TMEM265: variants seen among roughly 807,000 people sequenced by gnomAD.
The protein encoded by TMEM265 is transmembrane protein 265.
In TMEM265, 8 loss-of-function variants were observed where a neutral mutation model predicts 9.5. The ratio of observed to expected loss-of-function variants is 0.84; its 90% confidence interval spans 0.49 to 1.52. TMEM265 has a LOEUF of 1.52. Ranked by LOEUF, TMEM265 falls within the 40% of genes most tolerant of loss-of-function variation. The pLI is 0.00. For missense variants in TMEM265, 152 were observed against 146.2 expected (o/e 1.04, Z -0.21); for synonymous variants, 53 against 56.9 (o/e 0.93, Z 0.31).
intron 2 of TMEM265, 89 bp downstream of exon 2, chr16:30,741,997 T>A (rs1162368456): frequency 1.5e-6 from 2 of 1,303,132 alleles, no homozygotes; most frequent in Admixed American, 2.2e-5. Context: ...AGTCACTGAA[T>A]ACCTATCAGT....
In TMEM265 at chr16:30,745,174, G is replaced by T. The variant is rs2053249320; in HGVS notation, c.*1231G>T. The T allele has an allele frequency of 6.6e-6, 1 of 152,200 alleles. No individual in the cohort carries two copies. 9.4% of individuals were successfully genotyped at this position (152,200 alleles called of 1,614,324 possible). A position where few individuals can be genotyped will look rare whatever the true frequency, so the allele number is the denominator to read the frequency against. On this transcript the variant is annotated 3_prime_UTR_variant, in exon 3 of 3. Transcript: ENST00000615541. The stretch of plus-strand genomic sequence containing the variant: ...CATGTATTCTTTTCATGTTAACATT[G>T]TGAGATTCGTCAATATTTGGAATAG...
chr16:30,744,876 C>G lies in TMEM265; in HGVS notation c.*933C>G, dbSNP rs1289563839. ...TAAAATGGATTTTCATATCTTTTAT[C>G]TTGGACCTCATAATATTTCAAATTT... On this transcript the variant is annotated 3_prime_UTR_variant, in exon 3 of 3. Transcript: ENST00000615541. 6.6e-6 allele frequency: 1 copy of G among 152,152 alleles called. No individual in the cohort carries two copies. The highest frequency in any genetic ancestry group is 1.5e-5 in the Non-Finnish European group (1 of 68,030). The allele number at this position is 152,152 out of a possible 1,614,324, so 9.4% of individuals were successfully genotyped here. A position where few individuals can be genotyped will look rare whatever the true frequency, so the allele number is the denominator to read the frequency against.
Position 30,744,177 on chromosome 16 carries a change from C to G in TMEM265, c.*234C>G, listed in dbSNP as rs1474114177. 2 of 441,808 alleles carry G rather than the reference C, an allele frequency of 4.5e-6. No individual in the cohort carries two copies. The highest frequency in any genetic ancestry group is 7.7e-5 in the Admixed American group (2 of 25,858). The allele number at this position is 441,808 out of a possible 1,614,324, so 27.4% of individuals were successfully genotyped here. Reference sequence around the variant, plus strand: ...TCAGGGCCCCCCACCCCCATCTCCCCTACCCTAGCCCACCCTAGGGCCTCT... The same window carrying G: ...TCAGGGCCCCCCACCCCCATCTCCCGTACCCTAGCCCACCCTAGGGCCTCT... On this transcript the variant is annotated 3_prime_UTR_variant, in exon 3 of 3. Transcript: ENST00000615541.
intron 2 of TMEM265, 29 bp downstream of exon 2, chr16:30,741,937 G>A: frequency 6.5e-7 from 1 of 1,530,134 alleles, no homozygotes; most frequent in East Asian, 2.4e-5. Context: ...ATGGGAATGG[G>A]GGTGGGTATA....
At chr16:30,741,967 C>T in intron 2 of TMEM265, 59 bp downstream of exon 2, 1 of 1,482,716 alleles carries the variant, frequency 6.7e-7, no homozygotes, top group South Asian at 1.2e-5. Context: ...TTTCATGTAT[C>T]TGATCTATCT....
chr16:30,742,601 G>A (rs1477120821), intron 2 of TMEM265, among the ~76,000 whole-genome samples: 1 of 152,178 alleles, frequency 6.6e-6, no homozygotes, highest in Non-Finnish European at 1.5e-5. Context: ...GGGTTTTTGA[G>A]AGGGCTTCAC....
Position 30,741,943 on chromosome 16 carries a change from G to A in TMEM265, c.165+35G>A, listed in dbSNP as rs1296949674. ...GCAATTCCCATGGGAATGGGGGTGG[G>A]TATAAGGCAATGGTTTCATGTATCT... is the stretch of plus-strand genomic sequence containing the variant. On this transcript the variant is annotated intron_variant, in intron 2 of 2. Coordinates refer to ENST00000615541, the MANE Select transcript of TMEM265 (RefSeq NM_001256829.2). 8 of 1,524,328 alleles carry A rather than the reference G, an allele frequency of 5.2e-6. No individual in the cohort carries two copies. The South Asian group carries it at 9.6e-5, about 18-fold the overall frequency. 94.4% of individuals were successfully genotyped at this position (1,524,328 alleles called of 1,614,324 possible).
chr16:30,742,619 A>G (rs2053232551), intron 2 of TMEM265, among the ~76,000 whole-genome samples: 1 of 152,196 alleles, frequency 6.6e-6, no homozygotes, highest in Non-Finnish European at 1.5e-5. Context: ...CACCATTTCA[A>G]AAAGCCTATT....
In TMEM265 at chr16:30,743,834, C is replaced by A. The variant is rs1219894852; in HGVS notation, c.218C>A (p.Ala73Asp). 1.3e-6 allele frequency: 2 copies of A among 1,533,480 alleles called. No individual in the cohort carries two copies. The highest frequency in any genetic ancestry group is 1.7e-6 in the Non-Finnish European group (2 of 1,146,610). The allele number at this position is 1,533,480 out of a possible 1,614,324, so 95.0% of individuals were successfully genotyped here. The change falls in exon 3 of 3, where the codon GCC becomes GAC. Residue 73 changes from alanine (A) to aspartate (D), a missense_variant. Physicochemically the swap from Ala to Asp is moderately radical, Grantham distance 126. Coordinates refer to ENST00000615541, the MANE Select transcript of TMEM265 (RefSeq NM_001256829.2). ...GRSEEAVRWGARARKLILASF... is the reference protein window; with the variant it reads ...GRSEEAVRWGDRARKLILASF... ...TCCGAGGAGGCAGTGCGCTGGGGGG[C>A]CCGGGCCCGGAAACTCATCCTGGCC...
At position 30,741,802 on chromosome 16, in the gene TMEM265, C is replaced by T. The variant is rs1251394703; in HGVS notation, c.59C>T (p.Pro20Leu). Residue 20 changes from proline (P) to leucine (L), a missense_variant, in exon 2 of 3, where the codon CCA (proline) becomes CTA (leucine). Physicochemically the swap from Pro to Leu is moderately conservative, Grantham distance 98. Coordinates refer to ENST00000615541, the MANE Select transcript of TMEM265 (RefSeq NM_001256829.2). ...GGCAACACGGAAGCTGCTCATCCTC[C>T]ATCCCCCATCCGCTGCTGCTGGCTC... is the stretch of plus-strand genomic sequence containing the variant. Reference protein sequence around the residue: ...ILGNTEAAHPPSPIRCCWLRL... With the variant: ...ILGNTEAAHPLSPIRCCWLRL... 5 of 1,533,870 alleles carry T rather than the reference C, an allele frequency of 3.3e-6. No individual in the cohort carries two copies. The Admixed American group carries it at 5.9e-5, about 18-fold the overall frequency.
At chr16:30,741,718 A>G (rs2053227122) in intron 1 of TMEM265, 23 bp from the exon 2 acceptor site, 5 of 1,526,406 alleles carry the variant, frequency 3.3e-6, no homozygotes, top group African/African-American at 1.4e-5. Flanking sequence ...TGGGCTCACA[A>G]GTACCTTGAC....
chr16:30,743,632 A>G (rs2053238203), intron 2 of TMEM265, 150 bp from the exon 3 acceptor site: 3 of 1,005,148 alleles, frequency 3.0e-6, no homozygotes, highest in Admixed American at 5.8e-5. Flanking sequence ...TATTTTGCAG[A>G]TGAGAGGTTA....
Position 30,743,842 on chromosome 16 carries a change from CG to C in TMEM265, c.228del (p.Lys77AsnfsTer54). The C allele has an allele frequency of 6.5e-7, 1 of 1,533,808 alleles. No individual in the cohort carries two copies. The highest frequency in any genetic ancestry group is 8.7e-7 in the Non-Finnish European group (1 of 1,146,676). On this transcript the variant is annotated frameshift_variant, in exon 3 of 3. Transcript: ENST00000615541. LOFTEE classifies it high-confidence loss of function. ...GGCAGTGCGCTGGGGGGCCCGGGCC[CG>C]GAAACTCATCCTGGCCAGCTTTGCT... ...EEAVRWGARA[R>X]KLILASFAVW...
rs981096115 is a variant in TMEM265 at position 30,743,914 on chromosome 16, C to T, written c.298C>T (p.Leu100Phe). The change falls in exon 3 of 3, where the codon CTC becomes TTC. Residue 100 changes from leucine (L) to phenylalanine (F), a missense_variant. Leu to Phe is a conservative substitution (Grantham distance 22, BLOSUM62 0). Coordinates refer to ENST00000615541, the MANE Select transcript of TMEM265 (RefSeq NM_001256829.2). ...LILGPLLLWL[L>F]SYAIAQAE ...TCTGGGTCCCCTGCTGCTGTGGTTG[C>T]TCTCCTACGCCATCGCTCAGGCTGA... is the stretch of plus-strand genomic sequence containing the variant. 3 of 1,533,896 alleles carry T rather than the reference C, an allele frequency of 2.0e-6. No homozygotes were observed. Among genetic ancestry groups the T allele is most frequent in the Middle Eastern group, 2.3e-4 (1 of 4,356 alleles).
intron 2 of TMEM265, 52 bp downstream of exon 2, chr16:30,741,960 C>T (rs1596672650): frequency 6.7e-7 from 1 of 1,501,420 alleles, no homozygotes; most frequent in Non-Finnish European, 8.9e-7. Flanking sequence ...GCAATGGTTT[C>T]ATGTATCTGA....
Position 30,743,862 on chromosome 16 carries a change from C to G in TMEM265, c.246C>G (p.Ser82Arg), listed in dbSNP as rs1194037650. The G allele has an allele frequency of 4.6e-6, 7 of 1,533,856 alleles. No individual in the cohort carries two copies. In the African/African-American group the frequency reaches 5.5e-5, roughly 12 times the overall value. Residue 82 changes from serine (S) to arginine (R), a missense_variant, in exon 3 of 3, where the codon AGC becomes AGG. Ser to Arg is a moderately radical substitution (Grantham distance 110, BLOSUM62 -1). Coordinates refer to ENST00000615541, the MANE Select transcript of TMEM265 (RefSeq NM_001256829.2). ...GGGCCCGGAAACTCATCCTGGCCAG[C>G]TTTGCTGTCTGGCTTGCTGTCCTCA... is the stretch of plus-strand genomic sequence containing the variant. ...GARARKLILA[S>R]FAVWLAVLIL...
At position 30,741,757 on chromosome 16, in the gene TMEM265, A is replaced by G. The variant is rs538068061; in HGVS notation, c.14A>G (p.Glu5Gly). ...CGCCCACAGGTGATGGAGGACGAGG[A>G]GAAGGCAGTGGAGATCTTGGGCAAC... MEDEEKAVEILGNTE... is the reference protein window; with the variant it reads MEDEGKAVEILGNTE... The change falls in exon 2 of 3, where the codon GAG becomes GGG. Residue 5 changes from glutamate (E) to glycine (G), a missense_variant. Coordinates refer to ENST00000615541, the MANE Select transcript of TMEM265 (RefSeq NM_001256829.2). 6.5e-6 allele frequency: 10 copies of G among 1,533,864 alleles called. No individual in the cohort carries two copies. The highest frequency in any genetic ancestry group is 3.6e-5 in the South Asian group (3 of 83,964).
At position 30,744,166 on chromosome 16, in the gene TMEM265, C is replaced by T; in HGVS notation, c.*223C>T. ...GCTCTGTTCTTTCAGGGCCCCCCAC[C>T]CCCATCTCCCCTACCCTAGCCCACC... On this transcript the variant is annotated 3_prime_UTR_variant, in exon 3 of 3. Transcript: ENST00000615541. 2 of 472,988 alleles carry T rather than the reference C, an allele frequency of 4.2e-6. No individual in the cohort carries two copies. Among genetic ancestry groups the T allele is most frequent in the Admixed American group, 7.5e-5 (2 of 26,746 alleles). 29.3% of individuals were successfully genotyped at this position (472,988 alleles called of 1,614,324 possible).
At chr16:30,742,098 G>T (rs2053230292) in intron 2 of TMEM265, among the ~76,000 whole-genome samples, 190 bp downstream of exon 2, 1 of 152,174 alleles carries the variant, frequency 6.6e-6, no homozygotes, top group African/African-American at 2.4e-5. Flanking sequence ...CAGTGAAAAT[G>T]GGTAATTAAT....
Sources: gnomAD v4.1 joint callset for allele counts (sites outside exome capture counted in the v4.1 genomes callset) on GRCh38, gnomAD v4.1.1 for gene constraint, MANE v1.5 for transcripts, NCBI Gene and HGNC (gene_info 2026-07-23, HGNC 2026-07-21) for gene names.